Variants in TCF20 observed in about 807,000 individuals in gnomAD.
The protein encoded by TCF20 is transcription factor 20, also known as SPRE-binding protein.
In TCF20, 3 loss-of-function variants were observed where a neutral mutation model predicts 148.6. That is an observed-to-expected ratio of 0.02 (90% confidence interval 0.01 to 0.05). The LOEUF is 0.05. Ranked by LOEUF, TCF20 falls within the 10% of genes least tolerant of loss-of-function variation. The pLI is 1.00. For synonymous variants in TCF20, 1,049 were observed against 909.5 expected (o/e 1.15, Z -2.76); for missense variants, 2,350 against 2,429.3 (o/e 0.97, Z 0.69).
At chr22:42,175,041 C>CAA (rs943343065) in intron 3 of TCF20, among the ~76,000 whole-genome samples, 2 of 137,316 alleles carry the variant, frequency 1.5e-5, no homozygotes. Context: ...TCTCAAAAAA[C>CAA]AAAAAAAAAA....
intron 1 of TCF20, among the ~76,000 whole-genome samples, chr22:42,280,327 C>T (rs1325903207): frequency 6.6e-6 from 1 of 152,144 alleles, no homozygotes; most frequent in African/African-American, 2.4e-5. Context: ...TAGGTGACTC[C>T]GCCACGTATG....
At chr22:42,216,101 T>TTTTTTTTTTG (rs967996391) in intron 1 of TCF20, among the ~76,000 whole-genome samples, 13 of 134,008 alleles carry the variant, frequency 9.7e-5, no homozygotes, top group African/African-American at 4.0e-4. Flanking sequence ...TTTTTTTTTT[T>TTTTTTTTTTG]TTTTTTGAGA....
chr22:42,252,270 G>A (rs183940355), intron 1 of TCF20, among the ~76,000 whole-genome samples: 19 of 146,818 alleles, frequency 1.3e-4, no homozygotes, highest in Non-Finnish European at 1.8e-4. Flanking sequence ...GCGACAGAAC[G>A]AAAGTCCATC....
chr22:42,269,962 G>A (rs1035381292), intron 1 of TCF20: 1 of 152,252 alleles, frequency 6.6e-6, no homozygotes, highest in African/African-American at 2.4e-5. Context: ...AGGCGGCGCT[G>A]ACTCCCGGAC....
In TCF20 at chr22:42,212,555, C is replaced by T. The variant is rs777839720; in HGVS notation, c.2751G>A (p.Met917Ile). The change falls in exon 2 of 6, where the codon ATG (methionine) becomes ATA (isoleucine). Residue 917 changes from methionine to isoleucine, a missense_variant. By Grantham distance (10) the Met-to-Ile change is conservative. Coordinates refer to ENST00000677622, the MANE Select transcript of TCF20 (RefSeq NM_001378418.1). ...CGCTCTGGGATTTCAGCTTGGTTTC[C>T]ATGGACACCAAACCACCAGGAAGAA... The part of the protein sequence containing the change: ...SVILPGGLVS[M>I]ETKLKSQSGQ... 2 of 1,613,988 alleles carry T rather than the reference C, an allele frequency of 1.2e-6. No homozygotes were observed. Among genetic ancestry groups the T allele is most frequent in the Non-Finnish European group, 1.7e-6 (2 of 1,179,838 alleles).
At chr22:42,312,152 A>C (rs1310792514) in intron 1 of TCF20, among the ~76,000 whole-genome samples, 5 of 152,198 alleles carry the variant, frequency 3.3e-5, no homozygotes, top group African/African-American at 1.2e-4. Flanking sequence ...GAGCTACAGA[A>C]GAAGGGCACT....
At chr22:42,202,989 ATG>A (rs2147170658) in intron 2 of TCF20, among the ~76,000 whole-genome samples, 1 of 152,348 alleles carries the variant, frequency 6.6e-6, no homozygotes, top group African/African-American at 2.4e-5. Context: ...ATTGAAAGGG[ATG>A]CCTGCTTTTA....
intron 2 of TCF20, among the ~76,000 whole-genome samples, 178 bp from the exon 3 acceptor site, chr22:42,179,880 G>A (rs1936687332): frequency 6.6e-6 from 1 of 152,106 alleles, no homozygotes; most frequent in Admixed American, 6.6e-5. Context: ...CCATGGGAAG[G>A]GATCCAGCAA....
intron 5 of TCF20, among the ~76,000 whole-genome samples, chr22:42,166,563 C>T (rs113618837): frequency 0.039 from 5,761 of 149,426 alleles, 402 homozygotes; most frequent in African/African-American, 0.14. Flanking sequence ...GAGCCGAGAT[C>T]GTGCCCCTGT....
chr22:42,196,720 T>C (rs1196614256), intron 2 of TCF20, among the ~76,000 whole-genome samples: 1 of 152,086 alleles, frequency 6.6e-6, no homozygotes, highest in Non-Finnish European at 1.5e-5. Context: ...TAGATGAATA[T>C]ACATTTTACT....
intron 1 of TCF20, among the ~76,000 whole-genome samples, chr22:42,318,231 T>C (rs1013230863): frequency 3.3e-5 from 5 of 152,240 alleles, no homozygotes; most frequent in Admixed American, 1.3e-4. Flanking sequence ...ACCATGCTGA[T>C]GTCACGCCGA....
At chr22:42,195,044 C>A (rs758247382) in intron 2 of TCF20, among the ~76,000 whole-genome samples, 6 of 151,050 alleles carry the variant, frequency 4.0e-5, no homozygotes, top group Non-Finnish European at 7.4e-5. Context: ...TTGTGCATTT[C>A]AATGTCTAGG....
chr22:42,175,566 C>G (rs144275317), intron 3 of TCF20, among the ~76,000 whole-genome samples: 2 of 151,774 alleles, frequency 1.3e-5, no homozygotes, highest in African/African-American at 4.8e-5. Context: ...GTCTCAATCT[C>G]CTGACCTTGT....
At chr22:42,285,575 G>A (rs986565048), upstream of TCF20, among the ~76,000 whole-genome samples, 1 of 152,124 alleles carries the variant, frequency 6.6e-6, no homozygotes, top group Non-Finnish European at 1.5e-5. This position sits in a 1 kb window ranked among gnomAD's most constrained non-coding sequence, Gnocchi z 4.2. Context: ...TGCCAGTGAA[G>A]AAACCTAGAA....
At chr22:42,221,739 G>GTTTTTTTTTTTTTTTTTTTTTT (rs59283483) in intron 1 of TCF20, among the ~76,000 whole-genome samples, 5 of 92,820 alleles carry the variant, frequency 5.4e-5, no homozygotes, top group African/African-American at 1.5e-4. Flanking sequence ...ATGGCAAAGG[G>GTTTTTTTTTTTTTTTTTTTTTT]TTTTTTTTTT....
chr22:42,265,448 A>AG (rs1179236518), intron 1 of TCF20, among the ~76,000 whole-genome samples: 7 of 152,218 alleles, frequency 4.6e-5, no homozygotes, highest in African/African-American at 1.7e-4. Flanking sequence ...AGTCTGGACT[A>AG]CAGGCACCCA....
chr22:42,321,584 G>A (rs2413685), intron 1 of TCF20, among the ~76,000 whole-genome samples: 65,211 of 151,512 alleles, frequency 0.43, 15,041 homozygotes, highest in East Asian at 0.58. Context: ...CCAACTCCAC[G>A]CTCAGGAGCC....
chr22:42,186,269 G>A (rs773150641), intron 2 of TCF20, among the ~76,000 whole-genome samples: 2 of 152,186 alleles, frequency 1.3e-5, no homozygotes, highest in African/African-American at 4.8e-5. Context: ...GTCAGCACAC[G>A]TGTGAAAGCC....
At chr22:42,259,035 G>T (rs1925893904) in intron 1 of TCF20, among the ~76,000 whole-genome samples, 1 of 152,090 alleles carries the variant, frequency 6.6e-6, no homozygotes. Flanking sequence ...CTCCCCAGAA[G>T]CCTGCCTCCC....
Sources: gnomAD v4.1 joint callset for allele counts (sites outside exome capture counted in the v4.1 genomes callset) on GRCh38, gnomAD v4.1.1 for gene constraint, Gnocchi (gnomAD v3.1) non-coding constraint, MANE v1.5 for transcripts, NCBI Gene and HGNC (gene_info 2026-07-23, HGNC 2026-07-21) for gene names.